Variants in CFAP299 observed in about 807,000 individuals in gnomAD.
CFAP299 encodes cilia- and flagella-associated protein 299.
CFAP299 carries 21 observed loss-of-function variants against 27.0 expected under a neutral mutation model. That is an observed-to-expected ratio of 0.78 (90% CI 0.55 to 1.12). The LOEUF is 1.12. CFAP299 is among the 50% of genes most tolerant of loss of function. The probability of loss-of-function intolerance (pLI) is 0.00; values close to 1 mark genes in which losing one functional copy is unlikely to be tolerated. For synonymous variants in CFAP299, 104 were observed against 98.1 expected (o/e 1.06, Z -0.36); for missense variants, 310 against 276.6 (o/e 1.12, Z -0.86).
At position 80,944,684 on chromosome 4, in the gene CFAP299, C is replaced by T. The variant is rs559217239; in HGVS notation, c.477-126C>T. 7.5e-6 allele frequency: 5 copies of T among 664,582 alleles called. No homozygotes were observed. In the East Asian group the frequency reaches 1.4e-4, roughly 18 times the overall value. The allele number at this position is 664,582 out of a possible 1,614,324, so 41.2% of individuals were successfully genotyped here. ...GAATTTTAATCTCAAATGTGTTCTACATGGTTGTATGGCATGTTTGTATCC... is the reference window on the plus strand; with the variant it reads ...GAATTTTAATCTCAAATGTGTTCTATATGGTTGTATGGCATGTTTGTATCC... On this transcript the variant is annotated intron_variant, in intron 4 of 5. Transcript: ENST00000358105.
intron 3 of CFAP299, among the ~76,000 whole-genome samples, chr4:80,743,915 C>T (rs1024502263): frequency 6.6e-6 from 1 of 152,108 alleles, no homozygotes; most frequent in Non-Finnish European, 1.5e-5. Flanking sequence ...ATAGTAAATA[C>T]GATTGTTGCC....
intron 3 of CFAP299, among the ~76,000 whole-genome samples, chr4:80,628,800 C>T (rs968275831): frequency 1.3e-5 from 2 of 152,028 alleles, no homozygotes; most frequent in African/African-American, 4.8e-5. Context: ...AGCTAGAATG[C>T]GTATCTTCAA....
intron 3 of CFAP299, among the ~76,000 whole-genome samples, chr4:80,663,231 C>A (rs1740958326): frequency 6.6e-6 from 1 of 151,974 alleles, no homozygotes; most frequent in Non-Finnish European, 1.5e-5. Context: ...GTTTGATGCA[C>A]CCATCAACCC....
At chr4:80,432,013 G>A (rs1223617723) in intron 2 of CFAP299, among the ~76,000 whole-genome samples, 1 of 152,056 alleles carries the variant, frequency 6.6e-6, no homozygotes. Context: ...GGCCCACTTG[G>A]TTCACAAAAA....
At chr4:80,338,076 TGA>T (rs1482613596) in intron 1 of CFAP299, among the ~76,000 whole-genome samples, 2 of 152,180 alleles carry the variant, frequency 1.3e-5, no homozygotes, top group African/African-American at 4.8e-5. Flanking sequence ...CTAAGTGAGC[TGA>T]TACTTGTGCT....
chr4:80,890,018 A>T (rs1734182062), intron 4 of CFAP299, among the ~76,000 whole-genome samples: 1 of 152,180 alleles, frequency 6.6e-6, no homozygotes, highest in Non-Finnish European at 1.5e-5. Context: ...AGCTAATATC[A>T]TACTGAATGA....
intron 3 of CFAP299, among the ~76,000 whole-genome samples, chr4:80,708,192 T>G (rs899564219): frequency 3.9e-5 from 6 of 152,104 alleles, no homozygotes; most frequent in African/African-American, 1.4e-4. Flanking sequence ...GTTTGACCAG[T>G]AGATGGATAC....
intron 4 of CFAP299, among the ~76,000 whole-genome samples, chr4:80,941,726 A>C (rs902858583): frequency 3.0e-4 from 46 of 152,344 alleles, no homozygotes; most frequent in African/African-American, 1.0e-3. Context: ...CTGTACAGGA[A>C]GCATGGCAGC....
intron 2 of CFAP299, among the ~76,000 whole-genome samples, chr4:80,365,154 G>T (rs1424065916): frequency 6.6e-6 from 1 of 152,058 alleles, no homozygotes; most frequent in Non-Finnish European, 1.5e-5. Flanking sequence ...TGCTATTTCT[G>T]TCTCTAGGTC....
chr4:80,347,204 T>G (rs537243422), intron 1 of CFAP299, among the ~76,000 whole-genome samples: 3 of 152,152 alleles, frequency 2.0e-5, no homozygotes, highest in African/African-American at 7.2e-5. Flanking sequence ...AAATATACAA[T>G]CATGTCATCT....
Position 80,870,145 on chromosome 4 carries a change from A to G in CFAP299, c.476+10A>G. The G allele has an allele frequency of 1.3e-6, 2 of 1,591,446 alleles. No homozygotes were observed. Among genetic ancestry groups the G allele is most frequent in the South Asian group, 2.3e-5 (2 of 87,522 alleles). On this transcript the variant is annotated intron_variant, in intron 4 of 5. Transcript: ENST00000358105. ...GGCCTACAGATATAAGGTAAATTAC[A>G]TACAATTTTTGCACCCTTAGAGGCA...
chr4:80,949,419 G>A (rs1737647408), intron 5 of CFAP299, among the ~76,000 whole-genome samples: 2 of 152,010 alleles, frequency 1.3e-5, no homozygotes, highest in Admixed American at 1.3e-4. Context: ...TGAAGGGAGA[G>A]CATTGGAGAT....
intron 2 of CFAP299, among the ~76,000 whole-genome samples, chr4:80,390,476 C>T (rs1725264972): frequency 6.8e-6 from 1 of 146,416 alleles, no homozygotes; most frequent in Non-Finnish European, 1.5e-5. Flanking sequence ...GAGCAATTCT[C>T]TCCTCTCTCT....
In CFAP299 at chr4:80,944,788, T is replaced by A. The variant is rs1210209897; in HGVS notation, c.477-22T>A. 3.2e-6 allele frequency: 5 copies of A among 1,552,072 alleles called. No homozygotes were observed. The South Asian group carries it at 5.8e-5, about 18-fold the overall frequency. On this transcript the variant is annotated intron_variant, in intron 4 of 5. Transcript: ENST00000358105. ...TTAATGCATTATACATCTTAATTCC[T>A]AATAAATGTTTATTTTTATAGCTTT...
chr4:80,813,849 A>G (rs73829137), intron 3 of CFAP299, among the ~76,000 whole-genome samples: 4,581 of 152,074 alleles, frequency 0.03, 240 homozygotes, highest in African/African-American at 0.1. Flanking sequence ...CCAGAAAAGG[A>G]AAAAAACAAA....
At chr4:80,505,934 C>T (rs1353914525) in intron 2 of CFAP299, among the ~76,000 whole-genome samples, 1 of 151,692 alleles carries the variant, frequency 6.6e-6, no homozygotes, top group East Asian at 1.9e-4. Context: ...ATAGCAATTA[C>T]GCTGTAGTCT....
intron 2 of CFAP299, among the ~76,000 whole-genome samples, chr4:80,503,402 A>T (rs1050276273): frequency 2.0e-4 from 30 of 152,218 alleles, no homozygotes; most frequent in African/African-American, 7.2e-4. Flanking sequence ...AAAGCCCAAT[A>T]AAATATTGTT....
At chr4:80,693,754 T>A (rs1490283546) in intron 3 of CFAP299, among the ~76,000 whole-genome samples, 1 of 151,372 alleles carries the variant, frequency 6.6e-6, no homozygotes, top group East Asian at 1.9e-4. Flanking sequence ...GATCTAAGCG[T>A]GGCTTGGTCA....
rs546068744 is a variant in CFAP299 at position 80,940,644 on chromosome 4, T to A, written c.477-4166T>A. Among the ~76,000 whole-genome samples the A allele has an allele frequency of 1.7e-3, 263 of 152,318 alleles. 2 individuals are homozygous for A. The highest frequency in any genetic ancestry group is 6.0e-3 in the African/African-American group (248 of 41,574). On this transcript the variant is annotated intron_variant, in intron 4 of 5. Coordinates refer to ENST00000358105, the MANE Select transcript of CFAP299 (RefSeq NM_152770.3). The stretch of plus-strand genomic sequence containing the variant: ...GTCTCTTATTCCATTATCTTGCTGA[T>A]GTCCCTCTGGCCTTTTTACTTTTCA...
Sources: gnomAD v4.1 joint callset for allele counts (sites outside exome capture counted in the v4.1 genomes callset) on GRCh38, gnomAD v4.1.1 for gene constraint, MANE v1.5 for transcripts, NCBI Gene and HGNC (gene_info 2026-07-23, HGNC 2026-07-21) for gene names.